The following PLXDC2 variants were observed in gnomAD, a reference collection of about 807,000 sequenced individuals.
The protein encoded by PLXDC2 is plexin domain containing 2.
A neutral mutation model predicts 68.9 loss-of-function variants in PLXDC2; 40 were observed. That is an observed-to-expected ratio of 0.58 (90% CI 0.45 to 0.76). PLXDC2 has a LOEUF of 0.76. PLXDC2 is among the 30% of genes least tolerant of loss of function. PLXDC2 has a pLI of 0.00. For synonymous variants in PLXDC2, 243 were observed against 234.2 expected, an observed-to-expected ratio of 1.04 and a Z score of -0.34; for missense variants, 644 against 661.9, an observed-to-expected ratio of 0.97 and a Z score of 0.30.
chr10:20,043,949 G>GT (rs1564293596), intron 2 of PLXDC2, among the ~76,000 whole-genome samples: 2 of 152,000 alleles, frequency 1.3e-5, no homozygotes, highest in East Asian at 3.9e-4. Flanking sequence ...AAAAAGACCT[G>GT]TTTTTTCAGT....
chr10:19,975,450 T>C (rs1834437189), intron 1 of PLXDC2, among the ~76,000 whole-genome samples: 1 of 151,940 alleles, frequency 6.6e-6, no homozygotes, highest in Admixed American at 6.6e-5. Context: ...AGAGCGAGAC[T>C]CCATCTCAAA....
chr10:19,883,844 C>G (rs1288254428), intron 1 of PLXDC2, among the ~76,000 whole-genome samples: 1 of 137,682 alleles, frequency 7.3e-6, no homozygotes, highest in African/African-American at 2.8e-5. Context: ...CTGTTTAGAT[C>G]AGTGATGTGC....
intron 2 of PLXDC2, among the ~76,000 whole-genome samples, chr10:20,026,757 T>A (rs890028010): frequency 4.6e-5 from 7 of 150,860 alleles, no homozygotes; most frequent in African/African-American, 1.7e-4. Flanking sequence ...CTCTTTCTAC[T>A]AAGTCTTATG....
Position 20,274,946 on chromosome 10 carries a change from A to G in PLXDC2, c.1474-4757A>G, listed in dbSNP as rs78776430. On this transcript the variant is annotated intron_variant, in intron 13 of 13. Transcript: ENST00000377252. ...TAATGACTTGTTTGTTTGAAATCCAAATTTTATGGGTGTGTCATTTATTTG... is the reference window on the plus strand; with the variant it reads ...TAATGACTTGTTTGTTTGAAATCCAGATTTTATGGGTGTGTCATTTATTTG... Among the ~76,000 whole-genome samples, 1,379 of 152,242 alleles carry G rather than the reference A, an allele frequency of 9.1e-3. 16 individuals are homozygous for G. The highest frequency in any genetic ancestry group is 0.031 in the African/African-American group (1,284 of 41,554).
intron 9 of PLXDC2, among the ~76,000 whole-genome samples, chr10:20,186,795 T>C (rs1209162047): frequency 6.6e-6 from 1 of 151,980 alleles, no homozygotes; most frequent in African/African-American, 2.4e-5. Context: ...ATGTACCATG[T>C]TTTCTTTATC....
At chr10:20,016,833 A>G (rs908509652) in intron 2 of PLXDC2, among the ~76,000 whole-genome samples, 1 of 152,182 alleles carries the variant, frequency 6.6e-6, no homozygotes, top group Non-Finnish European at 1.5e-5. Flanking sequence ...AGCAGTGCTT[A>G]TATTAGCAGC....
At chr10:20,015,363 T>C (rs1480604212) in intron 2 of PLXDC2, among the ~76,000 whole-genome samples, 1 of 152,296 alleles carries the variant, frequency 6.6e-6, no homozygotes, top group South Asian at 2.1e-4. Flanking sequence ...CGTGTCTGTG[T>C]GTTTGTGTGT....
In PLXDC2 at chr10:20,048,705, A is replaced by G. The variant is rs139718544; in HGVS notation, c.471+1690A>G. Among the ~76,000 whole-genome samples, 549 of 152,116 alleles carry G rather than the reference A, an allele frequency of 3.6e-3. 4 individuals are homozygous for G. The highest frequency in any genetic ancestry group is 0.013 in the African/African-American group (520 of 41,534). On this transcript the variant is annotated intron_variant, in intron 3 of 13. Transcript: ENST00000377252. ...AGTTCCTCAGTTAAAGTATTAGCTG[A>G]TTTCTTCTTCTGTACAAATATGGCT...
At chr10:20,047,907 C>T (rs1835824924) in intron 3 of PLXDC2, among the ~76,000 whole-genome samples, 1 of 152,106 alleles carries the variant, frequency 6.6e-6, no homozygotes, top group African/African-American at 2.4e-5. Flanking sequence ...AAATTTATCA[C>T]ACTTGGTTCT....
At chr10:20,101,085 A>C (rs1429018260) in intron 4 of PLXDC2, among the ~76,000 whole-genome samples, 1 of 152,208 alleles carries the variant, frequency 6.6e-6, no homozygotes, top group Non-Finnish European at 1.5e-5. Context: ...TGATGAAAAT[A>C]TGTCAAAAGG....
chr10:20,123,542 T>G (rs2131764378), intron 4 of PLXDC2, among the ~76,000 whole-genome samples: 1 of 152,154 alleles, frequency 6.6e-6, no homozygotes, highest in East Asian at 1.9e-4. Context: ...GAAAATAAGA[T>G]GCTTAGATTT....
chr10:20,114,093 C>G (rs1833592771), intron 4 of PLXDC2, among the ~76,000 whole-genome samples: 1 of 152,188 alleles, frequency 6.6e-6, no homozygotes, highest in Non-Finnish European at 1.5e-5. Context: ...CACTGCACTA[C>G]AGCCTGAGTG....
At chr10:19,982,395 C>A (rs35870008) in intron 1 of PLXDC2, among the ~76,000 whole-genome samples, 16,329 of 152,160 alleles carry the variant, frequency 0.11, 970 homozygotes, top group East Asian at 0.16. Flanking sequence ...CAAACACCTT[C>A]ACAGTCTTTC....
chr10:20,084,150 G>A (rs377422568), intron 4 of PLXDC2, among the ~76,000 whole-genome samples: 2 of 152,168 alleles, frequency 1.3e-5, no homozygotes, highest in East Asian at 3.9e-4. Flanking sequence ...AGACCAATGC[G>A]GAAAAGGAGG....
intron 2 of PLXDC2, among the ~76,000 whole-genome samples, chr10:20,013,943 A>G (rs1230542072): frequency 6.6e-6 from 1 of 152,204 alleles, no homozygotes; most frequent in Non-Finnish European, 1.5e-5. Flanking sequence ...TTGTAAGGAA[A>G]CAACTATGAA....
chr10:19,994,865 C>T (rs1222755825), intron 1 of PLXDC2, among the ~76,000 whole-genome samples: 4 of 151,988 alleles, frequency 2.6e-5, no homozygotes, highest in Non-Finnish European at 5.9e-5. Context: ...GCCTCAGCCT[C>T]CCAAGTAGCT....
intron 13 of PLXDC2, among the ~76,000 whole-genome samples, chr10:20,261,794 C>T (rs749212608): frequency 2.5e-4 from 38 of 152,222 alleles, no homozygotes; most frequent in Middle Eastern, 3.4e-3. Context: ...GCGGAGGTTG[C>T]GGTGAGCCAA....
intron 12 of PLXDC2, among the ~76,000 whole-genome samples, chr10:20,233,253 C>A (rs571148175): frequency 6.6e-6 from 1 of 151,914 alleles, no homozygotes; most frequent in East Asian, 1.9e-4. Context: ...TGGCCGGGCA[C>A]GGTGGCTCAC....
intron 4 of PLXDC2, among the ~76,000 whole-genome samples, chr10:20,142,447 G>A (rs1387451660): frequency 1.3e-5 from 2 of 152,052 alleles, no homozygotes; most frequent in Non-Finnish European, 2.9e-5. Flanking sequence ...TAAAGACCTT[G>A]AAAGCAAGAA....
Sources: allele counts gnomAD v4.1 joint callset (sites outside exome capture counted in the v4.1 genomes callset), GRCh38; gene constraint gnomAD v4.1.1; transcripts MANE v1.5; gene names NCBI Gene and HGNC (gene_info 2026-07-23, HGNC 2026-07-21).